The following INPP4B variants were observed in gnomAD, a reference collection of about 807,000 sequenced individuals.
INPP4B encodes the protein inositol polyphosphate-4-phosphatase type II B, also known as inositol polyphosphate 4-phosphatase type II.
A neutral mutation model predicts 122.5 loss-of-function variants in INPP4B; 55 were observed. That is an observed-to-expected ratio of 0.45 (90% confidence interval 0.36 to 0.56). The LOEUF (loss-of-function observed/expected upper bound fraction) is 0.56, where lower values mean the gene tolerates loss of function less well. Ranked by LOEUF, INPP4B falls within the 20% of genes least tolerant of loss-of-function variation. The probability of loss-of-function intolerance (pLI) is 0.00; values close to 1 mark genes in which losing one functional copy is unlikely to be tolerated. For synonymous variants in INPP4B, 403 were observed against 388.7 expected (o/e 1.04, Z -0.43); for missense variants, 1,000 against 1,097.7 (o/e 0.91, Z 1.26).
At chr4:142,639,334 T>C (rs1173532145) in intron 2 of INPP4B, among the ~76,000 whole-genome samples, 2 of 152,144 alleles carry the variant, frequency 1.3e-5, no homozygotes, top group Non-Finnish European at 2.9e-5. Context: ...AGAGAATTGA[T>C]ATAATTTTTT....
chr4:142,832,582 G>A lies in INPP4B; in HGVS notation c.-254+13627C>T, dbSNP rs1169637426. ...AAAAGTCCACCTGGCCCCGGCCAAC[G>A]CAGTGGTAAGCCACTCCCAAAGGGC... On this transcript the variant is annotated intron_variant, in intron 1 of 25. Coordinates refer to ENST00000262992, the MANE Select transcript of INPP4B (RefSeq NM_001101669.3). Among the ~76,000 whole-genome samples, 3 of 152,162 alleles carry A rather than the reference G, an allele frequency of 2.0e-5. No homozygotes were observed. In the South Asian group the frequency reaches 6.2e-4, roughly 32 times the overall value.
chr4:142,117,886 A>G (rs1794504394), intron 21 of INPP4B, among the ~76,000 whole-genome samples: 1 of 152,196 alleles, frequency 6.6e-6, no homozygotes, highest in Non-Finnish European at 1.5e-5. Context: ...TTGTATATCT[A>G]GAAAACCCCA....
At chr4:142,589,918 T>A (rs192260787) in intron 2 of INPP4B, among the ~76,000 whole-genome samples, 19 of 152,196 alleles carry the variant, frequency 1.2e-4, no homozygotes, top group Admixed American at 1.2e-3. Flanking sequence ...CTGGTACATC[T>A]ATGAAATATA....
At chr4:142,436,785 C>T (rs1810617391) in intron 3 of INPP4B, among the ~76,000 whole-genome samples, 1 of 149,194 alleles carries the variant, frequency 6.7e-6, no homozygotes, top group South Asian at 2.2e-4. Flanking sequence ...ACTAGACAAA[C>T]TCATGAAGAT....
intron 1 of INPP4B, among the ~76,000 whole-genome samples, chr4:142,836,746 A>ACACACAC (rs1561124907): frequency 6.6e-6 from 1 of 151,858 alleles, no homozygotes; most frequent in South Asian, 2.1e-4. Context: ...ACACACACAC[A>ACACACAC]AGAAATACGA....
intron 12 of INPP4B, among the ~76,000 whole-genome samples, chr4:142,210,366 A>G (rs562272820): frequency 6.6e-6 from 1 of 152,308 alleles, no homozygotes; most frequent in Admixed American, 6.5e-5. Context: ...GTGAACATTC[A>G]TCTCACTCTC....
intron 12 of INPP4B, among the ~76,000 whole-genome samples, chr4:142,229,457 G>A (rs867721610): frequency 1.3e-5 from 2 of 152,168 alleles, no homozygotes; most frequent in African/African-American, 2.4e-5. Context: ...TTGTGGTACT[G>A]ATAGTGGAAG....
At chr4:142,578,575 C>T (rs1389290280) in intron 2 of INPP4B, among the ~76,000 whole-genome samples, 3 of 152,006 alleles carry the variant, frequency 2.0e-5, no homozygotes, top group South Asian at 4.2e-4. Context: ...CATCCCTGGT[C>T]TCTCTTTGTG....
At chr4:142,268,322 C>CAAAGAAAAAAAAAAAAAAAAAAA (rs1743907873) in intron 10 of INPP4B, among the ~76,000 whole-genome samples, 1 of 6,898 alleles carries the variant, frequency 1.4e-4, no homozygotes, top group Non-Finnish European at 4.1e-4. Flanking sequence ...GACTCCGTCT[C>CAAAGAAAAAAAAAAAAAAAAAAA]AAAAAAAAAA....
chr4:142,831,336 T>C (rs967838515), intron 1 of INPP4B, among the ~76,000 whole-genome samples: 2 of 152,186 alleles, frequency 1.3e-5, no homozygotes, highest in African/African-American at 4.8e-5. Flanking sequence ...TGGCTTTGCT[T>C]TAGTGGCTCT....
intron 9 of INPP4B, among the ~76,000 whole-genome samples, chr4:142,298,851 C>T (rs998395898): frequency 1.2e-4 from 18 of 152,058 alleles, no homozygotes; most frequent in Non-Finnish European, 5.9e-5. Flanking sequence ...CCTCAGTTTG[C>T]TTATTTGTGA....
intron 2 of INPP4B, among the ~76,000 whole-genome samples, chr4:142,666,154 T>C (rs1371297481): frequency 1.3e-5 from 2 of 152,206 alleles, no homozygotes; most frequent in East Asian, 3.9e-4. Context: ...TGTGTGTATA[T>C]ATATGTATAA....
intron 3 of INPP4B, among the ~76,000 whole-genome samples, chr4:142,441,678 G>T (rs139493532): frequency 6.6e-6 from 1 of 152,180 alleles, no homozygotes; most frequent in Admixed American, 6.5e-5. Context: ...TATTTAAGGG[G>T]ACAAGAAAAG....
chr4:142,308,994 T>A (rs1465120225), intron 8 of INPP4B, among the ~76,000 whole-genome samples: 1 of 152,166 alleles, frequency 6.6e-6, no homozygotes, highest in Non-Finnish European at 1.5e-5. Flanking sequence ...TTATGAAGTC[T>A]GCGGTCTTGA....
intron 2 of INPP4B, among the ~76,000 whole-genome samples, chr4:142,630,450 G>A (rs142976791): frequency 1.3e-5 from 2 of 152,070 alleles, no homozygotes; most frequent in African/African-American, 2.4e-5. Flanking sequence ...TCTTCTGGGA[G>A]GTGAGGTAGC....
intron 2 of INPP4B, among the ~76,000 whole-genome samples, chr4:142,662,806 A>T (rs919460810): frequency 1.3e-5 from 2 of 152,222 alleles, no homozygotes; most frequent in African/African-American, 4.8e-5. Flanking sequence ...GTAAACCTAT[A>T]AATCCAAATC....
At chr4:142,060,229 G>T (rs147483581) in intron 25 of INPP4B, among the ~76,000 whole-genome samples, 39 of 152,188 alleles carry the variant, frequency 2.6e-4, no homozygotes, top group African/African-American at 7.9e-4. Flanking sequence ...CTATCATTGG[G>T]TATAAGTATA....
At position 142,720,809 on chromosome 4, in the gene INPP4B, C is replaced by CAGA. The variant is rs1553997413; in HGVS notation, c.-191+5029_-191+5030insTCT. 1.5e-4 allele frequency among the ~76,000 whole-genome samples: 2 copies of CAGA among 12,948 alleles called. 1 individual carries two copies. Among genetic ancestry groups the CAGA allele is most frequent in the Non-Finnish European group, 3.1e-4 (2 of 6,350 alleles). The allele number at this position is 12,948 out of a possible 152,430, so 8.5% of individuals were successfully genotyped here. A position where few individuals can be genotyped will look rare whatever the true frequency, so the allele number is the denominator to read the frequency against. The stretch of plus-strand genomic sequence containing the variant: ...TCTCTCTCTCTCTCTCTCTCTCTCT[C>CAGA]TATATATATATATATATATAGTTTT... On this transcript the variant is annotated intron_variant, in intron 2 of 25. Transcript: ENST00000262992.
In INPP4B at chr4:142,544,546, T is replaced by G. The variant is rs115922712; in HGVS notation, c.-190-81820A>C. Among the ~76,000 whole-genome samples the G allele has an allele frequency of 4.8e-3, 728 of 152,184 alleles. 6 individuals carry two copies. The highest frequency in any genetic ancestry group is 7.1e-3 in the Non-Finnish European group (483 of 67,996). ...CATGAGAGAAAAAATATTTTAAAAA[T>G]ATTTTCTAGAACAGAAAGAATAAAG... On this transcript the variant is annotated intron_variant, in intron 2 of 25. Transcript: ENST00000262992.
Sources: allele counts gnomAD v4.1 joint callset (sites outside exome capture counted in the v4.1 genomes callset), GRCh38; gene constraint gnomAD v4.1.1; transcripts MANE v1.5; gene names NCBI Gene and HGNC (gene_info 2026-07-23, HGNC 2026-07-21).